NCKAP5: variants seen among roughly 807,000 people sequenced by gnomAD.
NCKAP5 encodes NCK associated protein 5, also known as nck-associated protein 5.
Under a neutral mutation model 167.0 loss-of-function variants are expected in NCKAP5, and 92 were observed. The observed-to-expected ratio is 0.55, with a 90% confidence interval of 0.47 to 0.66. The LOEUF (loss-of-function observed/expected upper bound fraction) is 0.66. Ranked by LOEUF, NCKAP5 falls within the 30% of genes least tolerant of loss-of-function variation. NCKAP5 has a pLI of 0.00. For missense variants in NCKAP5, 2,378 were observed against 2,315.0 expected, an observed-to-expected ratio of 1.03 and a Z score of -0.56; for synonymous variants, 891 against 877.4, an observed-to-expected ratio of 1.02 and a Z score of -0.27.
intron 7 of NCKAP5, among the ~76,000 whole-genome samples, chr2:132,972,632 C>T (rs976096157): frequency 4.6e-5 from 7 of 151,972 alleles, no homozygotes; most frequent in Admixed American, 6.6e-5. Context: ...GAGGCTGAGG[C>T]GAGTGGATCA....
At chr2:132,776,910 C>G (rs1682599701) in intron 15 of NCKAP5, among the ~76,000 whole-genome samples, 2 of 152,118 alleles carry the variant, frequency 1.3e-5, no homozygotes, top group Admixed American at 1.3e-4. Context: ...ACAAGTGGGA[C>G]AGTCTCCATG....
At chr2:133,518,343 G>GTTTTTTTT (rs1684184045) in intron 2 of NCKAP5, among the ~76,000 whole-genome samples, 1 of 66,224 alleles carries the variant, frequency 1.5e-5, no homozygotes. Flanking sequence ...TACAGTAAAG[G>GTTTTTTTT]ATTTTTTTTT....
intron 5 of NCKAP5, among the ~76,000 whole-genome samples, chr2:133,211,612 T>C (rs960862457): frequency 6.6e-6 from 1 of 152,208 alleles, no homozygotes; most frequent in Non-Finnish European, 1.5e-5. Context: ...TGAATATCTG[T>C]CTCACCAATC....
intron 16 of NCKAP5, among the ~76,000 whole-genome samples, chr2:132,737,587 C>T (rs1691639672): frequency 6.6e-6 from 1 of 152,042 alleles, no homozygotes; most frequent in African/African-American, 2.4e-5. Flanking sequence ...GCTGAAAATC[C>T]CCACTCATCT....
intron 5 of NCKAP5, among the ~76,000 whole-genome samples, chr2:133,145,996 A>G (rs2083181291): frequency 6.6e-6 from 1 of 152,084 alleles, no homozygotes; most frequent in Non-Finnish European, 1.5e-5. Flanking sequence ...AACAAGTAAT[A>G]TGCCTTTGTC....
chr2:132,958,952 T>C (rs2076421459), intron 8 of NCKAP5, among the ~76,000 whole-genome samples: 1 of 150,944 alleles, frequency 6.6e-6, no homozygotes, highest in Non-Finnish European at 1.5e-5. Context: ...GTCTGCCCAC[T>C]GGGGTGGGGA....
intron 3 of NCKAP5, among the ~76,000 whole-genome samples, chr2:133,495,432 T>A (rs1681857948): frequency 6.6e-6 from 1 of 152,164 alleles, no homozygotes; most frequent in Admixed American, 6.5e-5. Context: ...ACACTGACGC[T>A]TAGTGCAGTA....
At chr2:133,587,343 A>C in the NCKAP5 span, among the ~76,000 whole-genome samples, 1 of 152,270 alleles carries the variant, frequency 6.6e-6, no homozygotes, top group South Asian at 2.1e-4. Flanking sequence ...TGGCACTTAC[A>C]GAGGTTGTGT....
chr2:133,268,664 A>G (rs1394950230), intron 4 of NCKAP5, among the ~76,000 whole-genome samples: 1 of 151,614 alleles, frequency 6.6e-6, no homozygotes, highest in Admixed American at 6.6e-5. Context: ...TTGTATTTTT[A>G]GTAGAGACGG....
Position 133,397,216 on chromosome 2 carries a change from C to T in NCKAP5, c.70-94106G>A, listed in dbSNP as rs533977921. 1.2e-4 allele frequency among the ~76,000 whole-genome samples: 18 copies of T among 152,274 alleles called. No homozygotes were observed. In the East Asian group the frequency reaches 3.3e-3, roughly 28 times the overall value. On this transcript the variant is annotated intron_variant, in intron 3 of 19. Coordinates refer to ENST00000409261, the MANE Select transcript of NCKAP5 (RefSeq NM_207363.3). ...CACTCTCTCTTCCCATAACGAAATG[C>T]GTTTCTTGTTCATTCATTTATGGCT...
At chr2:133,111,429 T>G (rs1270889102) in intron 6 of NCKAP5, among the ~76,000 whole-genome samples, 3 of 152,104 alleles carry the variant, frequency 2.0e-5, no homozygotes, top group African/African-American at 7.2e-5. Context: ...CCAGAACCAA[T>G]GGAGAGATAC....
the NCKAP5 span, among the ~76,000 whole-genome samples, chr2:133,607,767 G>A: frequency 1.3e-5 from 2 of 152,164 alleles, no homozygotes; most frequent in South Asian, 4.1e-4. Flanking sequence ...GAAGGCCCAT[G>A]TATCTCAGAC....
At chr2:133,452,510 A>G (rs1574979619) in intron 3 of NCKAP5, among the ~76,000 whole-genome samples, 3 of 152,210 alleles carry the variant, frequency 2.0e-5, no homozygotes, top group African/African-American at 7.2e-5. Flanking sequence ...ATAAAATTTC[A>G]TTTGTAACTA....
intron 8 of NCKAP5, among the ~76,000 whole-genome samples, chr2:132,928,005 G>C (rs888515518): frequency 6.6e-6 from 1 of 152,082 alleles, no homozygotes; most frequent in Non-Finnish European, 1.5e-5. Context: ...TTAAGTAAAA[G>C]CAAAATTTCT....
chr2:133,356,009 C>T (rs1684691558), intron 3 of NCKAP5, among the ~76,000 whole-genome samples: 1 of 152,034 alleles, frequency 6.6e-6, no homozygotes, highest in Non-Finnish European at 1.5e-5. Flanking sequence ...CTCACCGAAA[C>T]CTCAGCCATA....
intron 3 of NCKAP5, among the ~76,000 whole-genome samples, chr2:133,484,067 A>T (rs1299411399): frequency 6.6e-6 from 1 of 152,198 alleles, no homozygotes; most frequent in Non-Finnish European, 1.5e-5. Context: ...CCTCATTTTG[A>T]AAAAGCTCTT....
intron 3 of NCKAP5, among the ~76,000 whole-genome samples, chr2:133,402,684 T>C (rs1688177532): frequency 6.6e-6 from 1 of 152,066 alleles, no homozygotes; most frequent in Non-Finnish European, 1.5e-5. Context: ...ACTTCCTCCT[T>C]CTCTCTCTTG....
chr2:133,129,927 T>G, intron 6 of NCKAP5, 51 bp downstream of exon 6: 1 of 1,525,936 alleles, frequency 6.6e-7, no homozygotes. Context: ...GTGTTACTGG[T>G]GCAGAGAGAG....
At chr2:132,791,528 C>T (rs1684069756) in intron 12 of NCKAP5, among the ~76,000 whole-genome samples, 1 of 152,124 alleles carries the variant, frequency 6.6e-6, no homozygotes, top group East Asian at 1.9e-4. Flanking sequence ...AATTTACATC[C>T]CAACCACTGA....
Sources: allele counts gnomAD v4.1 joint callset (sites outside exome capture counted in the v4.1 genomes callset), GRCh38; gene constraint gnomAD v4.1.1; transcripts MANE v1.5; gene names NCBI Gene and HGNC (gene_info 2026-07-23, HGNC 2026-07-21).